Variants in TMEM178B observed in about 807,000 individuals in gnomAD.
TMEM178B encodes transmembrane protein 178B.
In TMEM178B, 5 loss-of-function variants were observed where a neutral mutation model predicts 31.0. The ratio of observed to expected loss-of-function variants is 0.16; its 90% confidence interval spans 0.08 to 0.34. The LOEUF (loss-of-function observed/expected upper bound fraction) is 0.34. Ranked by LOEUF, TMEM178B falls within the 10% of genes least tolerant of loss-of-function variation. The probability of loss-of-function intolerance (pLI) is 1.00; values close to 1 mark genes in which losing one functional copy is unlikely to be tolerated. For missense variants in TMEM178B, 275 were observed against 400.3 expected (o/e 0.69, Z 2.67); for synonymous variants, 164 against 164.0 (o/e 1.00, Z 0.00).
chr7:141,119,315 C>T (rs970027770), intron 1 of TMEM178B, among the ~76,000 whole-genome samples: 1 of 152,104 alleles, frequency 6.6e-6, no homozygotes, highest in Non-Finnish European at 1.5e-5. Flanking sequence ...CTGGTCTGTC[C>T]CACTTGGTCC....
At position 141,444,760 on chromosome 7, in the gene TMEM178B, G is replaced by A. The variant is rs75198120; in HGVS notation, c.634+7015G>A. 2.4e-4 allele frequency among the ~76,000 whole-genome samples: 36 copies of A among 152,218 alleles called. No homozygotes were observed. In the East Asian group the frequency reaches 5.6e-3, roughly 24 times the overall value. Reference sequence around the variant, plus strand: ...TGGAGCCCAGCCTGGGACCCAGCCTGCTTTCTTGCATCCCCAGCCCTGCCC... The same window carrying A: ...TGGAGCCCAGCCTGGGACCCAGCCTACTTTCTTGCATCCCCAGCCCTGCCC... On this transcript the variant is annotated intron_variant, in intron 3 of 3. Transcript: ENST00000565468.
At chr7:141,490,640 A>G in the TMEM178B span, among the ~76,000 whole-genome samples, 2 of 152,186 alleles carry the variant, frequency 1.3e-5, no homozygotes, top group South Asian at 2.1e-4. Context: ...TCGTACACCT[A>G]TTGAGTGTGT....
chr7:141,287,899 A>G (rs1057125220), intron 2 of TMEM178B, among the ~76,000 whole-genome samples: 1 of 152,260 alleles, frequency 6.6e-6, no homozygotes, highest in Non-Finnish European at 1.5e-5. Flanking sequence ...CAAACAAACT[A>G]AGAGTTTTGC....
intron 3 of TMEM178B, among the ~76,000 whole-genome samples, chr7:141,438,871 G>A (rs369231392): frequency 0.012 from 718 of 59,646 alleles, 12 homozygotes; most frequent in African/African-American, 0.034. Context: ...GCAAGATTCC[G>A]TCTCAAAAAA....
In TMEM178B at chr7:141,383,758, G is replaced by T. The variant is rs186072264; in HGVS notation, c.497-53850G>T. Among the ~76,000 whole-genome samples the T allele has an allele frequency of 2.0e-3, 307 of 152,274 alleles. 1 individual carries two copies. The highest frequency in any genetic ancestry group is 6.8e-3 in the Middle Eastern group (2 of 294). ...CAGTAATGAGATGGTGGGTCAAATG[G>T]TATTTCTAGTTCTAGATCCTTGAGG... On this transcript the variant is annotated intron_variant, in intron 2 of 3. Transcript: ENST00000565468.
intron 1 of TMEM178B, among the ~76,000 whole-genome samples, chr7:141,108,315 T>TGC (rs1287060170): frequency 6.6e-6 from 1 of 152,094 alleles, no homozygotes; most frequent in Non-Finnish European, 1.5e-5. Flanking sequence ...GAAGGAAAAT[T>TGC]TGCTGATATG....
chr7:141,446,220 GT>G (rs1801751514), intron 3 of TMEM178B, among the ~76,000 whole-genome samples: 1 of 152,188 alleles, frequency 6.6e-6, no homozygotes, highest in African/African-American at 2.4e-5. Flanking sequence ...ACCCAAAGGA[GT>G]TTCACCTTTG....
chr7:141,125,871 G>T (rs1795487769), intron 1 of TMEM178B, among the ~76,000 whole-genome samples: 1 of 152,136 alleles, frequency 6.6e-6, no homozygotes, highest in South Asian at 2.1e-4. Flanking sequence ...ATAAGAATGA[G>T]CTGAATATAA....
chr7:141,415,404 C>T (rs1801077877), intron 2 of TMEM178B: 3 of 152,844 alleles, frequency 2.0e-5, no homozygotes, highest in African/African-American at 7.2e-5. Flanking sequence ...TCTCATTTTA[C>T]CGCCTGTCCA....
chr7:141,510,695 A>G, the TMEM178B span, among the ~76,000 whole-genome samples: 14 of 143,244 alleles, frequency 9.8e-5, no homozygotes, highest in Admixed American at 2.1e-4. Flanking sequence ...CAAAAAAAAA[A>G]AAAAAAAAAA....
intron 2 of TMEM178B, among the ~76,000 whole-genome samples, chr7:141,265,547 A>G (rs956626076): frequency 1.3e-5 from 2 of 152,182 alleles, no homozygotes; most frequent in African/African-American, 4.8e-5. Context: ...CTCTAAGGGT[A>G]TCTTATTTAT....
intron 2 of TMEM178B, among the ~76,000 whole-genome samples, chr7:141,261,286 C>T (rs948514432): frequency 2.0e-5 from 3 of 151,732 alleles, no homozygotes; most frequent in African/African-American, 2.4e-5. Flanking sequence ...TCCTATTTGC[C>T]TCAAATTGGG....
intron 2 of TMEM178B, among the ~76,000 whole-genome samples, chr7:141,432,280 C>T (rs1313029902): frequency 1.3e-5 from 2 of 151,228 alleles, no homozygotes; most frequent in Non-Finnish European, 2.9e-5. Context: ...CTCAGCCTCC[C>T]GAGTAGCTAT....
chr7:141,434,433 T>G (rs1586957826), intron 2 of TMEM178B, among the ~76,000 whole-genome samples: 1 of 152,302 alleles, frequency 6.6e-6, no homozygotes, highest in East Asian at 1.9e-4. Context: ...CCTCCACACA[T>G]CGAAAAGAGA....
At chr7:141,168,424 A>G (rs1796295160) in intron 1 of TMEM178B, among the ~76,000 whole-genome samples, 1 of 152,190 alleles carries the variant, frequency 6.6e-6, no homozygotes, top group Non-Finnish European at 1.5e-5. Context: ...GTGGAACTAC[A>G]TCAAAGGGGC....
rs1244473144 is a variant in TMEM178B, at chr7:141,472,425, G to T, written c.*1639G>T. On this transcript the variant is annotated 3_prime_UTR_variant, in exon 4 of 4. Transcript: ENST00000565468. ...ATTTGAGCAAATTAGCACTGCAGGT[G>T]CTGGCAAGCAAAGTCAGCCAGAGAG... The T allele has an allele frequency of 6.6e-6, 1 of 152,176 alleles. No homozygotes were observed. Among genetic ancestry groups the T allele is most frequent in the South Asian group, 2.1e-4 (1 of 4,830 alleles). 9.4% of individuals were successfully genotyped at this position (152,176 alleles called of 1,614,324 possible).
At chr7:141,111,087 A>T (rs1216929785) in intron 1 of TMEM178B, among the ~76,000 whole-genome samples, 1 of 152,156 alleles carries the variant, frequency 6.6e-6, no homozygotes, top group Non-Finnish European at 1.5e-5. Flanking sequence ...ATGCTGCTGT[A>T]AGGACATACC....
intron 1 of TMEM178B, among the ~76,000 whole-genome samples, chr7:141,151,172 G>A (rs571115945): frequency 2.6e-4 from 40 of 152,292 alleles, no homozygotes; most frequent in African/African-American, 6.5e-4. Flanking sequence ...TCCCCTTGGC[G>A]TTTATTGTTG....
At chr7:141,162,830 A>G (rs1796197593) in intron 1 of TMEM178B, among the ~76,000 whole-genome samples, 1 of 152,226 alleles carries the variant, frequency 6.6e-6, no homozygotes, top group Admixed American at 6.5e-5. Context: ...TTCCTGATCC[A>G]TTTGTGGGCA....
Sources: allele counts gnomAD v4.1 joint callset (sites outside exome capture counted in the v4.1 genomes callset), GRCh38; gene constraint gnomAD v4.1.1; transcripts MANE v1.5; gene names NCBI Gene and HGNC (gene_info 2026-07-23, HGNC 2026-07-21).